TNFAIP8: variants seen among roughly 807,000 people sequenced by gnomAD.
TNFAIP8 encodes the protein TNF alpha induced protein 8.
Under a neutral mutation model 13.3 loss-of-function variants are expected in TNFAIP8, and 7 were observed. The ratio of observed to expected loss-of-function variants is 0.52; its 90% CI spans 0.30 to 0.99. The LOEUF (loss-of-function observed/expected upper bound fraction) is 0.99, where lower values mean the gene tolerates loss of function less well. TNFAIP8 is among the 50% of genes least tolerant of loss of function. The probability of loss-of-function intolerance (pLI) is 0.07; values close to 1 mark genes in which losing one functional copy is unlikely to be tolerated. For synonymous variants in TNFAIP8, 94 were observed against 87.6 expected (o/e 1.07, Z -0.41); for missense variants, 258 against 236.9 (o/e 1.09, Z -0.58).
chr5:119,274,155 G>T (rs1436944429), intron 1 of TNFAIP8, among the ~76,000 whole-genome samples: 1 of 152,026 alleles, frequency 6.6e-6, no homozygotes, highest in Non-Finnish European at 1.5e-5. Context: ...GCTCTCTTCT[G>T]ACTGTGTTCA....
At chr5:119,342,778 C>T (rs960495244) in intron 1 of TNFAIP8, among the ~76,000 whole-genome samples, 5 of 152,202 alleles carry the variant, frequency 3.3e-5, no homozygotes, top group African/African-American at 1.2e-4. Flanking sequence ...GGGCATTTTT[C>T]TTTCTTTTCT....
At position 119,341,347 on chromosome 5, in the gene TNFAIP8, G is replaced by A. The variant is rs138604882; in HGVS notation, c.2-51469G>A. Among the ~76,000 whole-genome samples, 205 of 152,246 alleles carry A rather than the reference G, an allele frequency of 1.3e-3. 2 individuals carry two copies. Among genetic ancestry groups the A allele is most frequent in the African/African-American group, 4.3e-3 (180 of 41,548 alleles). ...TGCTCTATGTGAACAATCTCAAGTC[G>A]TGAGACCTGTGGTAAATTTAGAAAC... On this transcript the variant is annotated intron_variant, in intron 1 of 1. Transcript: ENST00000274456.
At chr5:119,364,592 C>G (rs912741396) in intron 1 of TNFAIP8, among the ~76,000 whole-genome samples, 2 of 152,098 alleles carry the variant, frequency 1.3e-5, no homozygotes, top group African/African-American at 4.8e-5. Context: ...AAGCAGTCCT[C>G]CCACCTTGGC....
intron 1 of TNFAIP8, among the ~76,000 whole-genome samples, chr5:119,334,139 C>CAA (rs57346323): frequency 0.017 from 1,724 of 104,404 alleles, 37 homozygotes; most frequent in African/African-American, 0.051. Context: ...CTCTAACAAC[C>CAA]AAAAAAAAAA....
chr5:119,368,239 G>A (rs1751938057), intron 1 of TNFAIP8, among the ~76,000 whole-genome samples: 1 of 152,114 alleles, frequency 6.6e-6, no homozygotes, highest in African/African-American at 2.4e-5. Flanking sequence ...AACTTGGGAA[G>A]AATCATACTA....
intron 1 of TNFAIP8, among the ~76,000 whole-genome samples, chr5:119,300,930 G>A (rs1262675128): frequency 6.6e-6 from 1 of 152,066 alleles, no homozygotes; most frequent in Non-Finnish European, 1.5e-5. Flanking sequence ...GGAGTTAAAG[G>A]CAGTGACCAT....
chr5:119,325,254 C>T (rs1373136716), intron 1 of TNFAIP8, among the ~76,000 whole-genome samples: 2 of 152,126 alleles, frequency 1.3e-5, no homozygotes, highest in Admixed American at 6.5e-5. Context: ...GGATGTATTC[C>T]TGTAAGTGGT....
At chr5:119,278,014 T>C (rs1748510468) in intron 1 of TNFAIP8, among the ~76,000 whole-genome samples, 1 of 152,108 alleles carries the variant, frequency 6.6e-6, no homozygotes, top group Non-Finnish European at 1.5e-5. Context: ...TTTCAACATA[T>C]GAATTTTGAG....
chr5:119,326,048 G>C (rs142966047), intron 1 of TNFAIP8, among the ~76,000 whole-genome samples: 12 of 152,322 alleles, frequency 7.9e-5, no homozygotes, highest in African/African-American at 2.6e-4. Flanking sequence ...CTGAATGTCA[G>C]TTTTGTAACA....
intron 1 of TNFAIP8, among the ~76,000 whole-genome samples, chr5:119,306,823 A>C (rs536313952): frequency 9.2e-4 from 140 of 152,322 alleles, no homozygotes; most frequent in African/African-American, 3.3e-3. Flanking sequence ...GAAACACCTC[A>C]TACTTAAATA....
At chr5:119,367,566 T>C (rs1751905378) in intron 1 of TNFAIP8, among the ~76,000 whole-genome samples, 1 of 152,230 alleles carries the variant, frequency 6.6e-6, no homozygotes, top group African/African-American at 2.4e-5. Flanking sequence ...TGTATATCTT[T>C]TAAAGCTTCA....
intron 1 of TNFAIP8, among the ~76,000 whole-genome samples, chr5:119,292,643 AGCATATATAT>A (rs1202136566): frequency 2.1e-5 from 1 of 48,002 alleles, no homozygotes; most frequent in African/African-American, 5.7e-5. Flanking sequence ...TAATCAATGT[AGCATATATAT>A]ATATATATAT....
chr5:119,333,224 A>G (rs979719146), intron 1 of TNFAIP8: 69 of 1,013,504 alleles, frequency 6.8e-5, no homozygotes, highest in Non-Finnish European at 7.9e-5. Context: ...TTGCATTTCT[A>G]TGTAGTTGTA....
rs1462260480 is a variant in TNFAIP8, at chr5:119,399,670, T to A, written c.*6289T>A. 4 of 152,238 alleles carry A rather than the reference T, an allele frequency of 2.6e-5. No homozygotes were observed. The highest frequency in any genetic ancestry group is 9.6e-5 in the African/African-American group (4 of 41,474). 9.4% of individuals were successfully genotyped at this position (152,238 alleles called of 1,614,324 possible). A position where few individuals can be genotyped will look rare whatever the true frequency, so the allele number is the denominator to read the frequency against. ...ATGTATAATCTCTTAACCAATTAAATTCTGAATCTCTTAAATCACTTGATT... is the reference window on the plus strand; with the variant it reads ...ATGTATAATCTCTTAACCAATTAAAATCTGAATCTCTTAAATCACTTGATT... On this transcript the variant is annotated 3_prime_UTR_variant, in exon 2 of 2. Transcript: ENST00000504771.
chr5:119,327,085 A>G (rs2112699344), intron 1 of TNFAIP8, among the ~76,000 whole-genome samples: 1 of 152,208 alleles, frequency 6.6e-6, no homozygotes, highest in Admixed American at 6.5e-5. Context: ...TAAGAAAAGG[A>G]CTGCATTTGT....
intron 1 of TNFAIP8, among the ~76,000 whole-genome samples, chr5:119,290,774 C>G (rs1748958476): frequency 6.6e-6 from 1 of 152,082 alleles, no homozygotes; most frequent in Admixed American, 6.6e-5. Context: ...GATGGATTTT[C>G]AGTAGCTGAG....
intron 1 of TNFAIP8, among the ~76,000 whole-genome samples, chr5:119,332,531 C>A (rs1042567205): frequency 6.6e-6 from 1 of 152,026 alleles, no homozygotes; most frequent in Non-Finnish European, 1.5e-5. Flanking sequence ...AATCAAGAAG[C>A]TTACCATGTA....
intron 1 of TNFAIP8, among the ~76,000 whole-genome samples, chr5:119,294,026 A>C (rs1484151817): frequency 6.6e-6 from 1 of 151,970 alleles, no homozygotes; most frequent in Non-Finnish European, 1.5e-5. Context: ...AGCTCTTCCC[A>C]ATACCTTCTT....
At chr5:119,283,021 A>C (rs1748681726) in intron 1 of TNFAIP8, among the ~76,000 whole-genome samples, 1 of 152,246 alleles carries the variant, frequency 6.6e-6, no homozygotes, top group Admixed American at 6.5e-5. Context: ...CTGGTCGGTC[A>C]TACATTTCAT....
Sources: gnomAD v4.1 joint callset for allele counts (sites outside exome capture counted in the v4.1 genomes callset) on GRCh38, gnomAD v4.1.1 for gene constraint, MANE v1.5 for transcripts, NCBI Gene and HGNC (gene_info 2026-07-23, HGNC 2026-07-21) for gene names.